DNAI7: variants seen among roughly 807,000 people sequenced by gnomAD.
The protein encoded by DNAI7 is cancer susceptibility 1.
In DNAI7, 78 loss-of-function variants were observed where a neutral mutation model predicts 86.6. The observed-to-expected ratio is 0.90, with a 90% CI of 0.75 to 1.09. DNAI7 has a LOEUF of 1.09. DNAI7 is among the 50% of genes least tolerant of loss of function. DNAI7 has a pLI of 0.00. For missense variants in DNAI7, 753 were observed against 810.2 expected, an observed-to-expected ratio of 0.93 and a Z score of 0.86; for synonymous variants, 274 against 273.0, an observed-to-expected ratio of 1.00 and a Z score of -0.04.
chr12:25,159,580 A>G (rs1378889753), intron 3 of DNAI7, among the ~76,000 whole-genome samples: 1 of 152,248 alleles, frequency 6.6e-6, no homozygotes, highest in African/African-American at 2.4e-5. Context: ...TGGCAGACCT[A>G]TCATGGCAAT....
At chr12:25,165,926 A>G (rs989093427) in intron 2 of DNAI7, among the ~76,000 whole-genome samples, 3 of 152,114 alleles carry the variant, frequency 2.0e-5, no homozygotes, top group Non-Finnish European at 2.9e-5. Flanking sequence ...CTTAAACTAA[A>G]TTATCTGCTT....
In DNAI7 at chr12:25,119,287, T is replaced by C. The variant is rs1361550295; in HGVS notation, c.1254A>G (p.Gly418=). Residue 418 remains glycine (G), a synonymous_variant, in exon 12 of 16, where the codon GGA becomes GGG. Coordinates refer to ENST00000395987, the MANE Select transcript of DNAI7 (RefSeq NM_018272.5). ...CCGGAGGATATGTGTATTTCTGTAATCCTTCTTTGAGTATCTTTTTAAAAT... is the reference window on the plus strand; with the variant it reads ...CCGGAGGATATGTGTATTTCTGTAACCCTTCTTTGAGTATCTTTTTAAAAT... ...GWMIVEILKE[G]LQKYTYPPET... The C allele has an allele frequency of 1.2e-6, 2 of 1,603,986 alleles. No homozygotes were observed. Among genetic ancestry groups the C allele is most frequent in the South Asian group, 1.1e-5 (1 of 88,244 alleles).
At chr12:25,153,431 T>A (rs73286841) in intron 6 of DNAI7, among the ~76,000 whole-genome samples, 2,433 of 152,152 alleles carry the variant, frequency 0.016, 64 homozygotes, top group African/African-American at 0.055. Context: ...AAAAAATTAA[T>A]TAAATAAATA....
intron 1 of DNAI7, 174 bp downstream of exon 1, chr12:25,194,902 G>C (rs758489465): frequency 6.2e-7 from 1 of 1,614,104 alleles, no homozygotes; most frequent in Admixed American, 1.7e-5. Flanking sequence ...GCCTGGTCCA[G>C]GTAAGGAAAG....
intron 8 of DNAI7, among the ~76,000 whole-genome samples, 178 bp downstream of exon 8, chr12:25,146,822 CA>C (rs1206635775): frequency 1.3e-5 from 2 of 152,168 alleles, no homozygotes; most frequent in East Asian, 1.9e-4. Flanking sequence ...TGAAGCTCAA[CA>C]AAGTAACTTG....
chr12:25,173,849 C>T (rs939696974), intron 2 of DNAI7, among the ~76,000 whole-genome samples: 4 of 139,640 alleles, frequency 2.9e-5, no homozygotes, highest in African/African-American at 5.5e-5. Flanking sequence ...TATATATATA[C>T]ATCATATGTA....
intron 3 of DNAI7, among the ~76,000 whole-genome samples, chr12:25,160,392 C>G (rs527478122): frequency 1.7e-4 from 26 of 152,252 alleles, no homozygotes; most frequent in Admixed American, 3.9e-4. Context: ...GTAAAGCAAC[C>G]TTTTTCGATT....
chr12:25,108,152 T>A, downstream of DNAI7: 1 of 1,414,310 alleles, frequency 7.1e-7, no homozygotes, highest in Non-Finnish European at 9.6e-7. Context: ...AAGTATAGCA[T>A]GAAACCAGAG....
At chr12:25,162,628 G>C (rs1038143573) in intron 2 of DNAI7, among the ~76,000 whole-genome samples, 4 of 152,090 alleles carry the variant, frequency 2.6e-5, no homozygotes, top group African/African-American at 9.7e-5. Context: ...GACTCCATTA[G>C]CTCCACTGGA....
chr12:25,134,396 G>T (rs574591218), intron 9 of DNAI7, among the ~76,000 whole-genome samples: 427 of 114,352 alleles, frequency 3.7e-3, no homozygotes, highest in Middle Eastern at 9.6e-3. Flanking sequence ...TCACTCTGTC[G>T]CCCAGGCTAG....
chr12:25,158,159 G>A, intron 4 of DNAI7, among the ~76,000 whole-genome samples: 1 of 152,028 alleles, frequency 6.6e-6, no homozygotes, highest in Non-Finnish European at 1.5e-5. Context: ...AACCCAGGAG[G>A]CGGAGCTTGC....
At chr12:25,153,310 T>C (rs1359005765) in intron 6 of DNAI7, among the ~76,000 whole-genome samples, 1 of 152,060 alleles carries the variant, frequency 6.6e-6, no homozygotes, top group Non-Finnish European at 1.5e-5. Context: ...TAATTCCAGC[T>C]ATTGGGAGGC....
chr12:25,166,998 C>T (rs2141098804), intron 2 of DNAI7, among the ~76,000 whole-genome samples: 1 of 152,258 alleles, frequency 6.6e-6, no homozygotes, highest in South Asian at 2.1e-4. Flanking sequence ...TTCAATCCAG[C>T]CTCCCACAGT....
chr12:25,127,375 T>A (rs1213626833), intron 9 of DNAI7, among the ~76,000 whole-genome samples: 1 of 152,226 alleles, frequency 6.6e-6, no homozygotes, highest in Non-Finnish European at 1.5e-5. Context: ...ATGTTTTATA[T>A]CTGGTAATGA....
intron 11 of DNAI7, 115 bp downstream of exon 11, chr12:25,121,638 T>C (rs1300234777): frequency 3.2e-5 from 26 of 807,794 alleles, no homozygotes; most frequent in South Asian, 1.7e-4. Flanking sequence ...TAAAATTACA[T>C]TTTTTCCTTT....
intron 9 of DNAI7, among the ~76,000 whole-genome samples, chr12:25,143,904 T>A (rs1239577317): frequency 6.6e-6 from 1 of 152,170 alleles, no homozygotes; most frequent in Non-Finnish European, 1.5e-5. Flanking sequence ...TCAAAAGCTA[T>A]CTCTAAAGAT....
At chr12:25,159,674 T>A (rs559424579) in intron 3 of DNAI7, among the ~76,000 whole-genome samples, 4 of 152,232 alleles carry the variant, frequency 2.6e-5, no homozygotes, top group Admixed American at 2.6e-4. Flanking sequence ...CTTCTCCTGC[T>A]CTCACTATTA....
intron 6 of DNAI7, among the ~76,000 whole-genome samples, chr12:25,152,355 C>A (rs530890475): frequency 6.6e-6 from 1 of 152,164 alleles, no homozygotes. Flanking sequence ...TAAATGCCAA[C>A]GGCAAATGAT....
intron 9 of DNAI7, among the ~76,000 whole-genome samples, chr12:25,136,149 A>G (rs1324323742): frequency 6.6e-6 from 1 of 152,228 alleles, no homozygotes; most frequent in African/African-American, 2.4e-5. Flanking sequence ...GAACCCTCAC[A>G]GAGTCCACTT....
Sources: gnomAD v4.1 joint callset for allele counts (sites outside exome capture counted in the v4.1 genomes callset) on GRCh38, gnomAD v4.1.1 for gene constraint, MANE v1.5 for transcripts, NCBI Gene and HGNC (gene_info 2026-07-23, HGNC 2026-07-21) for gene names.